MUSK: variants seen among roughly 807,000 people sequenced by gnomAD.
The protein encoded by MUSK is muscle associated receptor tyrosine kinase, also known as muscle, skeletal receptor tyrosine-protein kinase.
A neutral mutation model predicts 88.7 loss-of-function variants in MUSK; 55 were observed. The observed-to-expected ratio is 0.62, with a 90% CI of 0.50 to 0.78. The LOEUF (loss-of-function observed/expected upper bound fraction) is 0.78. MUSK is among the 30% of genes least tolerant of loss of function. The probability of loss-of-function intolerance (pLI) is 0.00; values close to 1 mark genes in which losing one functional copy is unlikely to be tolerated. For synonymous variants in MUSK, 387 were observed against 391.9 expected (o/e 0.99, Z 0.15); for missense variants, 1,015 against 1,074.3 (o/e 0.94, Z 0.77).
chr9:110,688,930 A>G (rs1011976168), intron 3 of MUSK, among the ~76,000 whole-genome samples: 1 of 146,284 alleles, frequency 6.8e-6, no homozygotes, highest in Non-Finnish European at 1.5e-5. Context: ...ATTTATATAT[A>G]AATATATGTA....
At chr9:110,688,594 T>G (rs2076228365) in intron 3 of MUSK, among the ~76,000 whole-genome samples, 1 of 151,936 alleles carries the variant, frequency 6.6e-6, no homozygotes, top group Non-Finnish European at 1.5e-5. Context: ...TCCATTCTAT[T>G]CTTCTTGATG....
chr9:110,690,227 T>G (rs1309206995), intron 3 of MUSK, among the ~76,000 whole-genome samples: 2 of 106,554 alleles, frequency 1.9e-5, no homozygotes, highest in Admixed American at 2.7e-4. Context: ...TAAGTATAAA[T>G]ATATATTTAA....
At chr9:110,747,836 G>C in intron 7 of MUSK, 36 bp downstream of exon 7, 2 of 1,606,116 alleles carry the variant, frequency 1.2e-6, no homozygotes, top group Middle Eastern at 1.7e-4. Context: ...TGTTCCAGGA[G>C]AGGGGAGAGT....
chr9:110,693,699 C>T (rs1312117460), intron 3 of MUSK, among the ~76,000 whole-genome samples: 1 of 152,160 alleles, frequency 6.6e-6, no homozygotes, highest in Non-Finnish European at 1.5e-5. Flanking sequence ...TAACAGATGA[C>T]CAAGACATCA....
intron 2 of MUSK, among the ~76,000 whole-genome samples, chr9:110,684,859 T>C (rs765077381): frequency 6.6e-6 from 1 of 152,152 alleles, no homozygotes; most frequent in Non-Finnish European, 1.5e-5. Flanking sequence ...TCAGTTCTAA[T>C]AGTTTTCTGT....
chr9:110,774,882 C>G (rs1168851799), intron 9 of MUSK, among the ~76,000 whole-genome samples: 1 of 138,660 alleles, frequency 7.2e-6, no homozygotes, highest in Non-Finnish European at 1.5e-5. Flanking sequence ...CACACACACA[C>G]ACACACACAC....
At chr9:110,676,191 A>G (rs990709881) in intron 1 of MUSK, among the ~76,000 whole-genome samples, 2 of 151,836 alleles carry the variant, frequency 1.3e-5, no homozygotes, top group African/African-American at 4.8e-5. Flanking sequence ...TGTAAGATAC[A>G]GAAAAACAAA....
intron 8 of MUSK, among the ~76,000 whole-genome samples, chr9:110,763,229 G>A (rs896933614): frequency 5.3e-5 from 8 of 152,080 alleles, no homozygotes; most frequent in East Asian, 1.9e-4. Context: ...CTAGTTTTAA[G>A]TATATAGGAT....
chr9:110,682,605 G>T, intron 1 of MUSK, 69 bp from the exon 2 acceptor site: 1 of 1,530,928 alleles, frequency 6.5e-7, no homozygotes, highest in South Asian at 1.2e-5. Context: ...AATGGCTTCT[G>T]ACTGCTTAAG....
chr9:110,679,301 G>A (rs896888732), intron 1 of MUSK, among the ~76,000 whole-genome samples: 1 of 151,660 alleles, frequency 6.6e-6, no homozygotes, highest in African/African-American at 2.4e-5. Context: ...TCTTTTTAGG[G>A]CTTGTTCCTT....
In MUSK at chr9:110,775,796, G is replaced by A; in HGVS notation, c.1193G>A (p.Cys398Tyr). The change falls in exon 10 of 15, where the codon TGC (cysteine) becomes TAC (tyrosine). Residue 398 changes from cysteine to tyrosine, a missense_variant. By Grantham distance (194) the Cys-to-Tyr change is radical. Transcript: ENST00000374448. ...PTPIPICREY[C>Y]LAVKELFCAK... ...TCCATATACTATTTTAGAGAGTACT[G>A]CTTGGCAGTAAAGGAGCTCTTCTGC... The A allele has an allele frequency of 6.2e-7, 1 of 1,613,724 alleles. No individual in the cohort carries two copies. The highest frequency in any genetic ancestry group is 1.1e-5 in the South Asian group (1 of 91,066).
At chr9:110,779,535 G>T (rs2077721054) in intron 11 of MUSK, among the ~76,000 whole-genome samples, 1 of 152,012 alleles carries the variant, frequency 6.6e-6, no homozygotes. Flanking sequence ...TCACCTCCAT[G>T]TTTACTTTTT....
chr9:110,741,789 G>C (rs1335920568), intron 6 of MUSK, among the ~76,000 whole-genome samples: 1 of 152,078 alleles, frequency 6.6e-6, no homozygotes, highest in African/African-American at 2.4e-5. Context: ...CTTGTAACTT[G>C]AGGCATGGTA....
At chr9:110,679,474 G>A (rs187291806) in intron 1 of MUSK, among the ~76,000 whole-genome samples, 90 of 151,672 alleles carry the variant, frequency 5.9e-4, no homozygotes, top group African/African-American at 2.2e-3. Context: ...TTTTATTTAA[G>A]TGTGTCTTTT....
intron 7 of MUSK, among the ~76,000 whole-genome samples, chr9:110,755,935 T>TATATATATATACATATATATAAC (rs1564268519): frequency 1.3e-5 from 1 of 77,654 alleles, no homozygotes; most frequent in East Asian, 4.4e-4. Context: ...TATATATACA[T>TATATATATATACATATATATAAC]ATATATATAT....
At chr9:110,778,614 AC>A (rs2077705218) in intron 11 of MUSK, among the ~76,000 whole-genome samples, 1 of 152,076 alleles carries the variant, frequency 6.6e-6, no homozygotes, top group East Asian at 1.9e-4. Flanking sequence ...CATTTTACTT[AC>A]AACCCAACAT....
At chr9:110,675,562 C>CTTTT (rs10607243) in intron 1 of MUSK, among the ~76,000 whole-genome samples, 4,748 of 61,624 alleles carry the variant, frequency 0.077, 271 homozygotes, top group Non-Finnish European at 0.098. Context: ...ATAGTCTTCC[C>CTTTT]TTTTTTTTTT....
rs2077825315 is a variant in MUSK at position 110,784,803 on chromosome 9, C to G, written c.1385-12C>G. 3.1e-6 allele frequency: 5 copies of G among 1,589,112 alleles called. No homozygotes were observed. The highest frequency in any genetic ancestry group is 1.3e-5 in the African/African-American group (1 of 74,266). On this transcript the variant is annotated splice_polypyrimidine_tract_variant and intron_variant, in intron 11 of 14. Transcript: ENST00000374448. ...TTTGAGAATGAATGAAATAATTATT[C>G]TTTACTTACAGCATTCCCACCAATG...
chr9:110,735,435 T>A (rs2077018798), intron 6 of MUSK, among the ~76,000 whole-genome samples: 3 of 152,066 alleles, frequency 2.0e-5, no homozygotes, highest in Admixed American at 1.3e-4. Flanking sequence ...CCGCAGGACA[T>A]TATGTTAAGT....
Sources: allele counts gnomAD v4.1 joint callset (sites outside exome capture counted in the v4.1 genomes callset), GRCh38; gene constraint gnomAD v4.1.1; transcripts MANE v1.5; gene names NCBI Gene and HGNC (gene_info 2026-07-23, HGNC 2026-07-21).